Variants in PNPLA1 observed in about 807,000 individuals in gnomAD.
PNPLA1 encodes patatin like domain 1, omega-hydroxyceramide transacylase, also known as omega-hydroxyceramide transacylase.
In PNPLA1, 36 loss-of-function variants were observed where a neutral mutation model predicts 51.7. That is an observed-to-expected ratio of 0.70 (90% confidence interval 0.53 to 0.92). The LOEUF (loss-of-function observed/expected upper bound fraction) is 0.92. Ranked by LOEUF, PNPLA1 falls within the 40% of genes least tolerant of loss-of-function variation. The probability of loss-of-function intolerance (pLI) is 0.00; values close to 1 mark genes in which losing one functional copy is unlikely to be tolerated. For missense variants in PNPLA1, 658 were observed against 682.5 expected (o/e 0.96, Z 0.40); for synonymous variants, 293 against 280.1 (o/e 1.05, Z -0.46).
chr6:36,298,999 A>T (rs1770941261), intron 5 of PNPLA1, among the ~76,000 whole-genome samples: 1 of 152,082 alleles, frequency 6.6e-6, no homozygotes, highest in Non-Finnish European at 1.5e-5. Context: ...GGCCTCCCAA[A>T]GTGCTGGGAT....
intron 1 of PNPLA1, among the ~76,000 whole-genome samples, chr6:36,271,533 G>A (rs538246169): frequency 6.6e-6 from 1 of 152,360 alleles, no homozygotes; most frequent in South Asian, 2.1e-4. Flanking sequence ...AGGTCGGGAA[G>A]TGATATGATC....
intron 1 of PNPLA1, among the ~76,000 whole-genome samples, chr6:36,282,771 C>T (rs1219993007): frequency 1.3e-5 from 2 of 152,158 alleles, no homozygotes; most frequent in Admixed American, 6.5e-5. Context: ...CTGCAACCTC[C>T]ACCTCCTGGG....
chr6:36,284,301 G>A (rs1472741819), intron 1 of PNPLA1, among the ~76,000 whole-genome samples: 1 of 152,178 alleles, frequency 6.6e-6, no homozygotes, highest in African/African-American at 2.4e-5. Flanking sequence ...GTTAGAAGAA[G>A]GTCTATGTGG....
intron 5 of PNPLA1, among the ~76,000 whole-genome samples, chr6:36,296,120 G>T (rs1307884264): frequency 6.6e-6 from 1 of 152,214 alleles, no homozygotes; most frequent in Non-Finnish European, 1.5e-5. Flanking sequence ...AGACCAGCCT[G>T]GGCGATTGTG....
intron 7 of PNPLA1, among the ~76,000 whole-genome samples, 187 bp downstream of exon 7, chr6:36,306,563 C>G (rs1330124194): frequency 6.6e-6 from 1 of 152,208 alleles, no homozygotes; most frequent in Non-Finnish European, 1.5e-5. Context: ...TCAGTTAGGG[C>G]AGTGTGTGGG....
At chr6:36,269,363 G>C (rs1397723073), upstream of PNPLA1, among the ~76,000 whole-genome samples, 2 of 152,152 alleles carry the variant, frequency 1.3e-5, no homozygotes, top group African/African-American at 4.8e-5. Context: ...CAGCCCCTCA[G>C]GGGGCAGAAC....
intron 5 of PNPLA1, among the ~76,000 whole-genome samples, chr6:36,300,416 A>C (rs1040330140): frequency 6.6e-6 from 1 of 151,934 alleles, no homozygotes; most frequent in Admixed American, 6.6e-5. Flanking sequence ...GGATGGTCTC[A>C]ATCTCCTGAC....
chr6:36,280,857 A>G (rs1187499821), intron 1 of PNPLA1, among the ~76,000 whole-genome samples: 1 of 152,184 alleles, frequency 6.6e-6, no homozygotes, highest in Non-Finnish European at 1.5e-5. Flanking sequence ...AGGCGCCATC[A>G]TAGCTCACTG....
At chr6:36,273,971 T>C (rs1770012389) in intron 1 of PNPLA1, among the ~76,000 whole-genome samples, 1 of 152,082 alleles carries the variant, frequency 6.6e-6, no homozygotes, top group Non-Finnish European at 1.5e-5. Flanking sequence ...GAGGGAGGTA[T>C]GTGTGGGACT....
At chr6:36,282,110 A>AAAGAAAGAAAGG (rs1164286356) in intron 1 of PNPLA1, among the ~76,000 whole-genome samples, 2 of 144,022 alleles carry the variant, frequency 1.4e-5, no homozygotes, top group African/African-American at 5.4e-5. Context: ...GGAAGGAAGG[A>AAAGAAAGAAAGG]AGGAAGGAAG....
intron 1 of PNPLA1, among the ~76,000 whole-genome samples, chr6:36,274,408 G>C (rs976005545): frequency 6.6e-6 from 1 of 152,160 alleles, no homozygotes. Flanking sequence ...AAGGGAATGA[G>C]CCCAAGAATA....
chr6:36,260,568 C>G (rs1037137640), intron 1 of PNPLA1, among the ~76,000 whole-genome samples: 1 of 152,126 alleles, frequency 6.6e-6, no homozygotes, highest in Non-Finnish European at 1.5e-5. Flanking sequence ...GGTCCCCTCC[C>G]CAGAGGCCAC....
intron 1 of PNPLA1, among the ~76,000 whole-genome samples, chr6:36,260,229 G>T (rs1198633643): frequency 1.3e-5 from 2 of 151,958 alleles, no homozygotes; most frequent in Admixed American, 6.6e-5. Flanking sequence ...GTTTAAGGCT[G>T]CAGTGAGCTA....
chr6:36,252,373 G>A (rs1769438510), intron 1 of PNPLA1, among the ~76,000 whole-genome samples: 1 of 152,142 alleles, frequency 6.6e-6, no homozygotes, highest in African/African-American at 2.4e-5. Context: ...GAGACAGCAT[G>A]GATTGCTGCA....
At chr6:36,284,181 C>T (rs1488926840) in intron 1 of PNPLA1, among the ~76,000 whole-genome samples, 3 of 152,194 alleles carry the variant, frequency 2.0e-5, no homozygotes, top group Non-Finnish European at 4.4e-5. Flanking sequence ...CCTGTGGACA[C>T]CTTGCTAGGA....
intron 1 of PNPLA1, among the ~76,000 whole-genome samples, chr6:36,285,974 C>T (rs374850798): frequency 1.9e-4 from 29 of 152,298 alleles, no homozygotes; most frequent in African/African-American, 6.5e-4. Flanking sequence ...CACACATGAG[C>T]CTGACCACAC....
At chr6:36,307,743 C>G (rs746699583) in intron 8 of PNPLA1, 31 bp downstream of exon 8, 51 of 1,610,848 alleles carry the variant, frequency 3.2e-5, no homozygotes, top group Non-Finnish European at 4.2e-5. Context: ...TTAAATCCCA[C>G]GGAGAGGAGC....
At chr6:36,305,352 T>C (rs1771198393) in intron 6 of PNPLA1, among the ~76,000 whole-genome samples, 1 of 152,118 alleles carries the variant, frequency 6.6e-6, no homozygotes. Context: ...TTGGTGGCAT[T>C]GGGGAACAGG....
At chr6:36,266,229 C>T (rs1412209598), upstream of PNPLA1, among the ~76,000 whole-genome samples, 2 of 152,178 alleles carry the variant, frequency 1.3e-5, no homozygotes, top group Admixed American at 6.5e-5. Context: ...GAGACAAGAG[C>T]GAGAACCACC....
Sources: gnomAD v4.1 joint callset for allele counts (sites outside exome capture counted in the v4.1 genomes callset) on GRCh38, gnomAD v4.1.1 for gene constraint, MANE v1.5 for transcripts, NCBI Gene and HGNC (gene_info 2026-07-23, HGNC 2026-07-21) for gene names.